The following SLC15A1 variants were observed in gnomAD, a reference collection of about 807,000 sequenced individuals.
SLC15A1 encodes the protein solute carrier family 15 member 1.
In SLC15A1, 83 loss-of-function variants were observed where a neutral mutation model predicts 92.9. The ratio of observed to expected loss-of-function variants is 0.89; its 90% confidence interval spans 0.75 to 1.07. SLC15A1 has a LOEUF of 1.07. SLC15A1 is among the 50% of genes least tolerant of loss of function. The pLI is 0.00. For synonymous variants in SLC15A1, 322 were observed against 318.2 expected (o/e 1.01, Z -0.13); for missense variants, 857 against 880.1 (o/e 0.97, Z 0.33).
At position 98,708,781 on chromosome 13, in the gene SLC15A1, A is replaced by G; in HGVS notation, c.1068-14T>C. The G allele has an allele frequency of 6.2e-7, 1 of 1,602,664 alleles. No individual in the cohort carries two copies. The highest frequency in any genetic ancestry group is 8.5e-7 in the Non-Finnish European group (1 of 1,174,660). ...TTCTTCAAGGAGCTGATGGCACAAG[A>G]GAAGAGTGACTCTCAACCAGTTTCA... On this transcript the variant is annotated splice_polypyrimidine_tract_variant and intron_variant, in intron 14 of 22. Transcript: ENST00000376503.
At chr13:98,736,765 G>A (rs1316950217) in intron 1 of SLC15A1, among the ~76,000 whole-genome samples, 1 of 152,212 alleles carries the variant, frequency 6.6e-6, no homozygotes, top group Non-Finnish European at 1.5e-5. Context: ...CTGGTCATCA[G>A]AGAAATGCAA....
Position 98,684,560 on chromosome 13 carries a change from A to G in SLC15A1, c.*164T>C. 1 of 448,444 alleles carries G rather than the reference A, an allele frequency of 2.2e-6. No homozygotes were observed. The allele number at this position is 448,444 out of a possible 1,614,324, so 27.8% of individuals were successfully genotyped here. A position where few individuals can be genotyped will look rare whatever the true frequency, so the allele number is the denominator to read the frequency against. ...AACTCTGTCTCAAAAAAAAAAAAAA[A>G]AAAAAAAAGAAAAGAAAAAGAAAAA... is the stretch of plus-strand genomic sequence containing the variant. On this transcript the variant is annotated 3_prime_UTR_variant, in exon 23 of 23. Coordinates refer to ENST00000376503, the MANE Select transcript of SLC15A1 (RefSeq NM_005073.4).
rs940785611 is a variant in SLC15A1, at chr13:98,719,294, G to T, written c.583C>A (p.Gln195Lys). The change falls in exon 8 of 23, where the codon CAA (glutamine) becomes AAA (lysine). Residue 195 changes from glutamine (Q) to lysine (K), a missense_variant. Gln to Lys is a moderately conservative substitution (Grantham distance 53, BLOSUM62 1). Coordinates refer to ENST00000376503, the MANE Select transcript of SLC15A1 (RefSeq NM_005073.4). ...RVQQCGIHSKQACYPLAFGVP... is the reference protein window; with the variant it reads ...RVQQCGIHSKKACYPLAFGVP... ...CCAAAGGCCAGTGGGTAACAAGCTT[G>T]TTTACTGTGAATTCCACATTGTTGA... 6.2e-7 allele frequency: 1 copy of T among 1,613,796 alleles called. No homozygotes were observed. The highest frequency in any genetic ancestry group is 1.3e-5 in the African/African-American group (1 of 75,028).
In SLC15A1 at chr13:98,723,859, C is replaced by A. The variant is rs149676218; in HGVS notation, c.365+53G>T. On this transcript the variant is annotated intron_variant, in intron 5 of 22. Transcript: ENST00000376503. ...GGAAAAAGACGAAGACTTAAGGCAT[C>A]AAATGCGCACAAGGTGGGAGGGTGA... is the stretch of plus-strand genomic sequence containing the variant. 3.4e-5 allele frequency: 54 copies of A among 1,609,690 alleles called. No homozygotes were observed. In the African/African-American group the frequency reaches 6.3e-4, roughly 19 times the overall value.
chr13:98,698,725 C>T (rs1234016942), intron 18 of SLC15A1, among the ~76,000 whole-genome samples: 1 of 152,208 alleles, frequency 6.6e-6, no homozygotes, highest in East Asian at 1.9e-4. Context: ...GCATGAGCCA[C>T]CATGCCCAGC....
intron 8 of SLC15A1, among the ~76,000 whole-genome samples, chr13:98,717,642 C>T (rs181579410): frequency 7.3e-4 from 111 of 152,070 alleles, no homozygotes; most frequent in African/African-American, 2.4e-3. Flanking sequence ...ATGGGAAGAA[C>T]CATGGAAGAA....
At position 98,712,530 on chromosome 13, in the gene SLC15A1, G is replaced by A. The variant is rs779077196; in HGVS notation, c.778C>T (p.His260Tyr). Residue 260 changes from histidine (H) to tyrosine (Y), a missense_variant, in exon 10 of 23, where the codon CAC becomes TAC. Transcript: ENST00000376503. ...HRSKAFPKRE[H>Y]WLDWAKEKYD... ...TTCTCTTTAGCCCAGTCCAGCCAGT[G>A]CTCCCTCTTGGGAAATGCCTTACTC... 1 of 1,611,486 alleles carries A rather than the reference G, an allele frequency of 6.2e-7. No individual in the cohort carries two copies. The highest frequency in any genetic ancestry group is 8.5e-7 in the Non-Finnish European group (1 of 1,178,898).
chr13:98,749,842 C>G (rs1032286771), intron 1 of SLC15A1, among the ~76,000 whole-genome samples: 2 of 152,208 alleles, frequency 1.3e-5, no homozygotes, highest in Admixed American at 1.3e-4. Flanking sequence ...TTTTGTGGCA[C>G]ATGAAAATTA....
At chr13:98,750,121 T>C (rs1321992139) in intron 1 of SLC15A1, among the ~76,000 whole-genome samples, 1 of 152,146 alleles carries the variant, frequency 6.6e-6, no homozygotes, top group Non-Finnish European at 1.5e-5. Flanking sequence ...GCAACATTTT[T>C]TTTTTTTTGA....
In SLC15A1 at chr13:98,751,384, T is replaced by TCATAAATTC. The variant is rs1417597859; in HGVS notation, c.4+1202_4+1210dup. Among the ~76,000 whole-genome samples the TCATAAATTC allele has an allele frequency of 2.0e-5, 3 of 152,084 alleles. No homozygotes were observed. The East Asian group carries it at 5.8e-4, about 29-fold the overall frequency. On this transcript the variant is annotated intron_variant, in intron 1 of 22. Transcript: ENST00000376503. ...ATCTGCTGGAAATGCTAAACACGGG[T>TCATAAATTC]CATAAATTCCAACTCAACAAGGATG...
intron 8 of SLC15A1, among the ~76,000 whole-genome samples, chr13:98,716,754 G>A (rs116792523): frequency 0.011 from 1,619 of 152,276 alleles, 35 homozygotes; most frequent in African/African-American, 0.037. Context: ...AATTTTTTCT[G>A]TGGTCACTGT....
chr13:98,731,252 G>A (rs1439161856), intron 1 of SLC15A1, among the ~76,000 whole-genome samples: 2 of 152,216 alleles, frequency 1.3e-5, no homozygotes, highest in Non-Finnish European at 2.9e-5. Context: ...GTGAGGCAGC[G>A]CACCTGCTGT....
intron 15 of SLC15A1, among the ~76,000 whole-genome samples, chr13:98,706,456 G>A (rs1305647529): frequency 6.6e-6 from 1 of 152,144 alleles, no homozygotes; most frequent in Non-Finnish European, 1.5e-5. Flanking sequence ...AAGTGATATG[G>A]TTTGGCTGGG....
At chr13:98,689,879 C>T (rs1436668404) in intron 18 of SLC15A1, among the ~76,000 whole-genome samples, 1 of 152,208 alleles carries the variant, frequency 6.6e-6, no homozygotes, top group Non-Finnish European at 1.5e-5. Flanking sequence ...AGGTCCAAGG[C>T]TTCCTATCTC....
At chr13:98,690,206 G>A (rs1358136897) in intron 18 of SLC15A1, among the ~76,000 whole-genome samples, 2 of 152,232 alleles carry the variant, frequency 1.3e-5, no homozygotes, top group Non-Finnish European at 2.9e-5. Context: ...TGGCTAAAAT[G>A]TGGGGCCAAG....
rs75800782 is a variant in SLC15A1 at position 98,743,762 on chromosome 13, C to A, written c.4+8833G>T. 1.5e-3 allele frequency among the ~76,000 whole-genome samples: 229 copies of A among 152,272 alleles called. 4 individuals carry two copies. In the East Asian group the frequency reaches 0.031, roughly 20 times the overall value. ...ATTTTTAGTCTAGAAGAACACCTTT[C>A]CTTCAGAACTAAGAGTGAGACTCTC... On this transcript the variant is annotated intron_variant, in intron 1 of 22. Transcript: ENST00000376503.
Position 98,684,120 on chromosome 13 carries a change from G to T in SLC15A1, c.*604C>A, listed in dbSNP as rs1376543238. The T allele has an allele frequency of 6.6e-6, 1 of 152,264 alleles. No homozygotes were observed. The highest frequency in any genetic ancestry group is 1.9e-4 in the East Asian group (1 of 5,196). 9.4% of individuals were successfully genotyped at this position (152,264 alleles called of 1,614,324 possible). On this transcript the variant is annotated 3_prime_UTR_variant, in exon 23 of 23. Transcript: ENST00000376503. Reference sequence around the variant, plus strand: ...AAGCTAGTCCAAAATAACATCATTTGTGTGATAGGGAAGATGACCAATGTG... The same window carrying T: ...AAGCTAGTCCAAAATAACATCATTTTTGTGATAGGGAAGATGACCAATGTG...
Position 98,688,327 on chromosome 13 carries a change from ATC to A in SLC15A1, c.1602_1603del (p.Glu534AspfsTer8). ...GAAATTAGGTTGACATTGTGGCGGA[ATC>A]TCTGTTGAGCTTATTGTGAAGCCTT... On this transcript the variant is annotated frameshift_variant, in exon 20 of 23. Transcript: ENST00000376503. LOFTEE classifies it high-confidence loss of function. 6.2e-7 allele frequency: 1 copy of A among 1,614,064 alleles called. No homozygotes were observed. Among genetic ancestry groups the A allele is most frequent in the Non-Finnish European group, 8.5e-7 (1 of 1,179,976 alleles).
At position 98,742,718 on chromosome 13, in the gene SLC15A1, C is replaced by T. The variant is rs571217607; in HGVS notation, c.4+9877G>A. On this transcript the variant is annotated intron_variant, in intron 1 of 22. Transcript: ENST00000376503. Reference sequence around the variant, plus strand: ...ACCTCCACCTCTGCCACCATACTCACGTGGCGCTTGCCCTGTGTATGAGTC... The same window carrying T: ...ACCTCCACCTCTGCCACCATACTCATGTGGCGCTTGCCCTGTGTATGAGTC... Among the ~76,000 whole-genome samples the T allele has an allele frequency of 2.8e-4, 43 of 152,294 alleles. No homozygotes were observed. In the South Asian group the frequency reaches 4.4e-3, roughly 15 times the overall value.
Sources: allele counts gnomAD v4.1 joint callset (sites outside exome capture counted in the v4.1 genomes callset), GRCh38; gene constraint gnomAD v4.1.1; transcripts MANE v1.5; gene names NCBI Gene and HGNC (gene_info 2026-07-23, HGNC 2026-07-21).